The following RBFOX1 variants were observed in gnomAD, a reference collection of about 807,000 sequenced individuals.
RBFOX1 encodes the protein RNA binding fox-1 homolog 1.
In RBFOX1, 8 loss-of-function variants were observed where a neutral mutation model predicts 57.7. That is an observed-to-expected ratio of 0.14 (90% CI 0.08 to 0.25). RBFOX1 has a LOEUF of 0.25. Ranked by LOEUF, RBFOX1 falls within the 10% of genes least tolerant of loss-of-function variation. The pLI is 1.00. For missense variants in RBFOX1, 611 were observed against 548.5 expected (o/e 1.11, Z -1.14); for synonymous variants, 326 against 222.4 (o/e 1.47, Z -4.15).
chr16:5,460,842 A>G (rs911926458), intron 1 of RBFOX1, among the ~76,000 whole-genome samples: 3 of 152,140 alleles, frequency 2.0e-5, no homozygotes, highest in Non-Finnish European at 4.4e-5. Flanking sequence ...TCCTAATCCC[A>G]TTGCAGGAGC....
chr16:6,944,270 C>G (rs1236835673), intron 3 of RBFOX1, among the ~76,000 whole-genome samples: 1 of 151,932 alleles, frequency 6.6e-6, no homozygotes, highest in Non-Finnish European at 1.5e-5. Context: ...TGGTGGGCGC[C>G]TGTAATCCCA....
intron 4 of RBFOX1, among the ~76,000 whole-genome samples, chr16:7,099,925 T>C (rs141913628): frequency 6.6e-6 from 1 of 152,026 alleles, no homozygotes; most frequent in East Asian, 1.9e-4. Flanking sequence ...GACTTAAAGT[T>C]TGTGTTGATG....
chr16:5,613,923 ACT>A (rs1491494393), intron 3 of RBFOX1, among the ~76,000 whole-genome samples: 2 of 124,234 alleles, frequency 1.6e-5, no homozygotes, highest in African/African-American at 8.2e-5. Flanking sequence ...ATTTCCTTGG[ACT>A]TTTTTTTTTT....
chr16:6,173,875 G>C (rs1205587145), intron 1 of RBFOX1, among the ~76,000 whole-genome samples: 1 of 151,808 alleles, frequency 6.6e-6, no homozygotes, highest in Non-Finnish European at 1.5e-5. Flanking sequence ...CTCCCAAAGT[G>C]CTGTTTTGTT....
At chr16:7,171,289 G>A (rs1033449800) in intron 4 of RBFOX1, among the ~76,000 whole-genome samples, 1 of 152,296 alleles carries the variant, frequency 6.6e-6, no homozygotes, top group South Asian at 2.1e-4. Flanking sequence ...TCATCCCTAT[G>A]ATGAGGACTG....
At position 6,803,350 on chromosome 16, in the gene RBFOX1, C is replaced by T. The variant is rs946872267; in HGVS notation, c.-16+148700C>T. ...GCAGAAAACTACAGCAGAAGTGTTG[C>T]CTCCAGCCGTACAGAGAAGAACAAT... On this transcript the variant is annotated intron_variant, in intron 3 of 15. Transcript: ENST00000550418. Among the ~76,000 whole-genome samples the T allele has an allele frequency of 4.6e-5, 7 of 152,146 alleles. No homozygotes were observed. The East Asian group carries it at 5.8e-4, about 13-fold the overall frequency.
intron 3 of RBFOX1, among the ~76,000 whole-genome samples, chr16:6,851,615 A>C (rs989353077): frequency 6.6e-6 from 1 of 152,136 alleles, no homozygotes; most frequent in Non-Finnish European, 1.5e-5. Flanking sequence ...AATTATCTTT[A>C]CATGCCTCCT....
chr16:7,090,480 T>C lies in RBFOX1; in HGVS notation c.27+38382T>C, dbSNP rs1599189011. ...GGTAAAGAAATGCTTTGGAATCGTA[T>C]CAATTAAAAATAGTGTGGCCCCATT... On this transcript the variant is annotated intron_variant, in intron 4 of 15. Transcript: ENST00000550418. 2.0e-5 allele frequency among the ~76,000 whole-genome samples: 3 copies of C among 152,164 alleles called. No individual in the cohort carries two copies. In the East Asian group the frequency reaches 5.8e-4, roughly 29 times the overall value.
At chr16:5,749,921 C>CT (rs769256115) in intron 3 of RBFOX1, among the ~76,000 whole-genome samples, 2 of 152,156 alleles carry the variant, frequency 1.3e-5, no homozygotes, top group African/African-American at 2.4e-5. Flanking sequence ...AGCTGCGTTC[C>CT]TTTAGAGGGG....
chr16:5,603,108 G>C (rs77091844), downstream of RBFOX1, among the ~76,000 whole-genome samples: 1 of 152,288 alleles, frequency 6.6e-6, no homozygotes, highest in East Asian at 1.9e-4. Context: ...GCACCAGTCA[G>C]CTCTACTTTT....
intron 3 of RBFOX1, among the ~76,000 whole-genome samples, chr16:6,816,965 C>G (rs1234467442): frequency 1.3e-5 from 2 of 151,992 alleles, no homozygotes; most frequent in East Asian, 1.9e-4. Context: ...CCAGGGTGGT[C>G]TCATACTCCT....
intron 3 of RBFOX1, among the ~76,000 whole-genome samples, chr16:5,697,683 G>C (rs932695410): frequency 7.4e-6 from 1 of 135,084 alleles, no homozygotes; most frequent in South Asian, 2.7e-4. Context: ...ACAGGTGTGC[G>C]CCACCACGCT....
At chr16:7,429,301 T>A (rs141387075) in intron 4 of RBFOX1, among the ~76,000 whole-genome samples, 1 of 152,302 alleles carries the variant, frequency 6.6e-6, no homozygotes, top group Non-Finnish European at 1.5e-5. Flanking sequence ...CACTCAGGGA[T>A]CTCAAGGACT....
chr16:6,939,662 C>G (rs1353083296), intron 3 of RBFOX1, among the ~76,000 whole-genome samples: 2 of 151,936 alleles, frequency 1.3e-5, no homozygotes, highest in Non-Finnish European at 2.9e-5. Context: ...CAGCCGTGTG[C>G]TACCATACCC....
At chr16:6,735,741 T>A (rs958636834) in intron 3 of RBFOX1, among the ~76,000 whole-genome samples, 2 of 151,986 alleles carry the variant, frequency 1.3e-5, no homozygotes, top group Non-Finnish European at 2.9e-5. Context: ...AGTGCAGGAG[T>A]CTACCATGAT....
At chr16:6,737,952 C>T (rs898178104) in intron 3 of RBFOX1, among the ~76,000 whole-genome samples, 1 of 151,892 alleles carries the variant, frequency 6.6e-6, no homozygotes, top group African/African-American at 2.4e-5. Flanking sequence ...ACATTCCCAG[C>T]ACAATGCTTG....
At chr16:6,916,739 A>T (rs968532470) in intron 3 of RBFOX1, among the ~76,000 whole-genome samples, 1 of 152,118 alleles carries the variant, frequency 6.6e-6, no homozygotes, top group Non-Finnish European at 1.5e-5. Context: ...AGCTCGGATT[A>T]CTTCCAGCTT....
intron 3 of RBFOX1, among the ~76,000 whole-genome samples, chr16:6,977,321 T>G (rs955228051): frequency 1.3e-5 from 2 of 152,000 alleles, no homozygotes; most frequent in Admixed American, 1.3e-4. Context: ...TTTGCAAGAA[T>G]TGATATTATG....
intron 5 of RBFOX1, among the ~76,000 whole-genome samples, chr16:7,544,576 G>A (rs1354583436): frequency 1.3e-5 from 2 of 152,146 alleles, no homozygotes; most frequent in Non-Finnish European, 2.9e-5. Context: ...ACCAAGGATT[G>A]CCAGGAGCTA....
Sources: gnomAD v4.1 joint callset for allele counts (sites outside exome capture counted in the v4.1 genomes callset) on GRCh38, gnomAD v4.1.1 for gene constraint, MANE v1.5 for transcripts, NCBI Gene and HGNC (gene_info 2026-07-23, HGNC 2026-07-21) for gene names.